Variants in ADCK1 observed in about 807,000 individuals in gnomAD.
ADCK1 encodes aarF domain containing kinase 1, also known as aarF domain-containing protein kinase 1.
In ADCK1, 41 loss-of-function variants were observed where a neutral mutation model predicts 52.3. The ratio of observed to expected loss-of-function variants is 0.78; its 90% CI spans 0.61 to 1.02. ADCK1 has a LOEUF of 1.02. Ranked by LOEUF, ADCK1 falls within the 50% of genes least tolerant of loss-of-function variation. The pLI, the probability that ADCK1 is intolerant of heterozygous loss-of-function variation, is 0.00. For missense variants in ADCK1, 658 were observed against 679.5 expected (o/e 0.97, Z 0.35); for synonymous variants, 250 against 274.6 (o/e 0.91, Z 0.89).
rs1183518717 is a variant in ADCK1, at chr14:77,899,273, G to A, written c.741+15G>A. The A allele has an allele frequency of 2.5e-6, 4 of 1,613,768 alleles. No individual in the cohort carries two copies. Among genetic ancestry groups the A allele is most frequent in the South Asian group, 2.2e-5 (2 of 91,000 alleles). ...ACTTCTTGAAGGTAGGTGGGACGAT[G>A]CAATGCAGGGTATGGTGGTCTGGTG... On this transcript the variant is annotated intron_variant, in intron 6 of 10. Coordinates refer to ENST00000238561, the MANE Select transcript of ADCK1 (RefSeq NM_020421.4).
intron 10 of ADCK1, among the ~76,000 whole-genome samples, chr14:77,931,954 A>G (rs2084351536): frequency 6.6e-6 from 1 of 152,236 alleles, no homozygotes; most frequent in African/African-American, 2.4e-5. Context: ...TGGTCCTGGG[A>G]CTTGTCAGCC....
intron 6 of ADCK1, chr14:77,900,647 T>C (rs1430257542): frequency 2.2e-6 from 1 of 454,284 alleles, no homozygotes; most frequent in Non-Finnish European, 4.4e-6. Flanking sequence ...CAGATGTGGG[T>C]GACTCACCGA....
intron 3 of ADCK1, among the ~76,000 whole-genome samples, chr14:77,829,851 T>C (rs1013210572): frequency 6.0e-5 from 9 of 151,118 alleles, no homozygotes; most frequent in Non-Finnish European, 1.2e-4. Context: ...GGAGCTGAGT[T>C]TGGAAAGGTG....
intron 3 of ADCK1, among the ~76,000 whole-genome samples, chr14:77,825,077 T>G (rs1433225636): frequency 6.6e-6 from 1 of 152,246 alleles, no homozygotes; most frequent in Non-Finnish European, 1.5e-5. Flanking sequence ...TTATTTCTTG[T>G]GCATTCTTCC....
At chr14:77,925,556 A>G (rs2084169883) in intron 8 of ADCK1, among the ~76,000 whole-genome samples, 1 of 152,230 alleles carries the variant, frequency 6.6e-6, no homozygotes, top group Non-Finnish European at 1.5e-5. Flanking sequence ...TGGGCAGTTA[A>G]TAGTCACTAC....
intron 6 of ADCK1, among the ~76,000 whole-genome samples, chr14:77,907,474 CA>C (rs1021349232): frequency 2.6e-5 from 4 of 152,234 alleles, no homozygotes; most frequent in African/African-American, 9.6e-5. Context: ...TCCTTAACAG[CA>C]ATGCCCAGGT....
chr14:77,868,085 CTGTT>C (rs1396689637), intron 4 of ADCK1, among the ~76,000 whole-genome samples: 1 of 152,224 alleles, frequency 6.6e-6, no homozygotes. Context: ...AATACTGACT[CTGTT>C]TGTTCACCTT....
intron 2 of ADCK1, among the ~76,000 whole-genome samples, chr14:77,821,614 C>T (rs8017635): frequency 0.029 from 4,459 of 152,042 alleles, 235 homozygotes; most frequent in African/African-American, 0.1. Flanking sequence ...GGCGCGGTGG[C>T]TCATGCCTGT....
intron 3 of ADCK1, among the ~76,000 whole-genome samples, chr14:77,842,264 A>T (rs1223855092): frequency 6.6e-6 from 1 of 152,064 alleles, no homozygotes; most frequent in Non-Finnish European, 1.5e-5. Context: ...TTATCATGTG[A>T]TTATCTCAGC....
intron 5 of ADCK1, 40 bp downstream of exon 5, chr14:77,887,289 A>G (rs199875463): frequency 1.3e-5 from 19 of 1,503,360 alleles, no homozygotes; most frequent in Middle Eastern, 2.0e-4. Flanking sequence ...TCCTCAGTCT[A>G]CATTTCCCTG....
intron 4 of ADCK1, among the ~76,000 whole-genome samples, chr14:77,882,134 C>T (rs2083039654): frequency 6.7e-6 from 1 of 149,930 alleles, no homozygotes; most frequent in Non-Finnish European, 1.5e-5. Context: ...TTGTGTCTGC[C>T]TTAGGCTGGG....
intron 3 of ADCK1, among the ~76,000 whole-genome samples, chr14:77,842,857 T>TTTTTTC (rs1377709254): frequency 2.7e-5 from 4 of 147,970 alleles, no homozygotes; most frequent in Non-Finnish European, 6.0e-5. Context: ...GTCGAGGGTA[T>TTTTTTC]TTTTTCTTTT....
At chr14:77,815,123 C>T (rs1432769616) in intron 1 of ADCK1, among the ~76,000 whole-genome samples, 1 of 150,944 alleles carries the variant, frequency 6.6e-6, no homozygotes, top group Non-Finnish European at 1.5e-5. Context: ...GCATTCTTGA[C>T]CTTCCTGCCT....
chr14:77,844,207 A>G (rs1051603955), intron 3 of ADCK1, among the ~76,000 whole-genome samples: 2 of 152,064 alleles, frequency 1.3e-5, no homozygotes, highest in African/African-American at 2.4e-5. Context: ...CAACTTCCCA[A>G]GTAGCTGGGA....
At chr14:77,888,108 A>G (rs114647646) in intron 5 of ADCK1, among the ~76,000 whole-genome samples, 2,318 of 152,190 alleles carry the variant, frequency 0.015, 60 homozygotes, top group African/African-American at 0.053. Context: ...AAACAGTCAC[A>G]GCGTGTTTGC....
At chr14:77,829,105 T>G (rs1322704398) in intron 3 of ADCK1, among the ~76,000 whole-genome samples, 1 of 151,000 alleles carries the variant, frequency 6.6e-6, no homozygotes, top group Non-Finnish European at 1.5e-5. Context: ...ATCAATTACT[T>G]CTCCAAGGAG....
At chr14:77,818,624 T>A (rs1200934410) in intron 1 of ADCK1, among the ~76,000 whole-genome samples, 3 of 152,168 alleles carry the variant, frequency 2.0e-5, no homozygotes, top group Non-Finnish European at 2.9e-5. Flanking sequence ...GCTCTGATAT[T>A]CTATAGTGAT....
At chr14:77,805,933 A>C (rs189419731) in intron 1 of ADCK1, among the ~76,000 whole-genome samples, 3,154 of 151,216 alleles carry the variant, frequency 0.021, 105 homozygotes, top group African/African-American at 0.07. Context: ...GATTATAGAA[A>C]CTATGCTACA....
chr14:77,899,536 T>A (rs541612027), intron 6 of ADCK1, among the ~76,000 whole-genome samples: 1 of 152,324 alleles, frequency 6.6e-6, no homozygotes, highest in African/African-American at 2.4e-5. Flanking sequence ...GCCAAGAACC[T>A]ATATGCCGTG....
Sources: allele counts gnomAD v4.1 joint callset (sites outside exome capture counted in the v4.1 genomes callset), GRCh38; gene constraint gnomAD v4.1.1; transcripts MANE v1.5; gene names NCBI Gene and HGNC (gene_info 2026-07-23, HGNC 2026-07-21).